The following NTRK3 variants were observed in gnomAD, a reference collection of about 807,000 sequenced individuals.
NTRK3 encodes the protein neurotrophic receptor tyrosine kinase 3.
NTRK3 carries 24 observed loss-of-function variants against 91.7 expected under a neutral mutation model. The ratio of observed to expected loss-of-function variants is 0.26; its 90% CI spans 0.19 to 0.37. The LOEUF (loss-of-function observed/expected upper bound fraction) is 0.37, where lower values mean the gene tolerates loss of function less well. NTRK3 is among the 10% of genes least tolerant of loss of function. The probability of loss-of-function intolerance (pLI) is 1.00; values close to 1 mark genes in which losing one functional copy is unlikely to be tolerated. For synonymous variants in NTRK3, 483 were observed against 404.0 expected (o/e 1.20, Z -2.34); for missense variants, 880 against 1,068.9 (o/e 0.82, Z 2.46).
At chr15:88,219,276 A>C (rs1222203846) in intron 3 of NTRK3, among the ~76,000 whole-genome samples, 1 of 152,256 alleles carries the variant, frequency 6.6e-6, no homozygotes, top group Non-Finnish European at 1.5e-5. Flanking sequence ...AATTAAGTTT[A>C]ATCCTCTCCA....
At chr15:87,868,821 A>G (rs2064753863) in exon 19 of NTRK3, 2 of 222,940 alleles carry the variant, frequency 9.0e-6, no homozygotes, top group African/African-American at 2.2e-5. Flanking sequence ...CTTTTGTCCC[A>G]GTTGGGAGAA....
At chr15:87,952,285 A>T (rs1017503174) in intron 14 of NTRK3, among the ~76,000 whole-genome samples, 27 of 151,660 alleles carry the variant, frequency 1.8e-4, no homozygotes, top group Admixed American at 5.3e-4. Context: ...AGAAAGAAAG[A>T]AAAGAAAGAC....
rs576717963 is a variant in NTRK3, at chr15:88,256,301, A to G, written c.-33T>C. The G allele has an allele frequency of 2.9e-5, 20 of 679,994 alleles. No individual in the cohort carries two copies. The East Asian group carries it at 5.1e-4, about 17-fold the overall frequency. The allele number at this position is 679,994 out of a possible 1,614,324, so 42.1% of individuals were successfully genotyped here. On this transcript the variant is annotated 5_prime_UTR_variant, in exon 2 of 19. Coordinates refer to ENST00000394480, the Ensembl canonical transcript of NTRK3. ...GCCTCTGCCTTTGAAACGCCGAGCG[A>G]TCAGATGCAAAATCCTTCAGCGTCT...
At chr15:88,220,138 T>C (rs142223325) in intron 3 of NTRK3, among the ~76,000 whole-genome samples, 374 of 151,878 alleles carry the variant, frequency 2.5e-3, no homozygotes, top group African/African-American at 8.7e-3. Flanking sequence ...ATAAATGAAA[T>C]AAAGAAATGA....
In NTRK3 at chr15:88,132,654, A is replaced by C. The variant is rs576469820; in HGVS notation, c.1204+2447T>G. ...ATCAAAAGAGAAGAGCAAGAATCAC[A>C]GACCAGCTTTGCATCTAGGCTTAGC... On this transcript the variant is annotated intron_variant, in intron 10 of 18. Coordinates refer to ENST00000394480, the Ensembl canonical transcript of NTRK3. Among the ~76,000 whole-genome samples, 10 of 152,338 alleles carry C rather than the reference A, an allele frequency of 6.6e-5. No homozygotes were observed. In the East Asian group the frequency reaches 1.9e-3, roughly 29 times the overall value.
intron 3 of NTRK3, among the ~76,000 whole-genome samples, chr15:88,250,546 G>A (rs2053244183): frequency 6.6e-6 from 1 of 152,196 alleles, no homozygotes; most frequent in African/African-American, 2.4e-5. Context: ...GCCCCTGCGA[G>A]GGGGCTTTTG....
chr15:88,093,523 C>G (rs1004169745), intron 13 of NTRK3, among the ~76,000 whole-genome samples: 2 of 152,172 alleles, frequency 1.3e-5, no homozygotes, highest in Non-Finnish European at 2.9e-5. Flanking sequence ...CCATTCCAGA[C>G]CACACAGCTC....
At chr15:88,175,346 C>A (rs2045898838) in intron 5 of NTRK3, among the ~76,000 whole-genome samples, 1 of 151,784 alleles carries the variant, frequency 6.6e-6, no homozygotes, top group Admixed American at 6.6e-5. Flanking sequence ...CTGAAAGCAT[C>A]TTCTAAGAAG....
At chr15:87,987,069 T>C (rs2074877060) in intron 14 of NTRK3, among the ~76,000 whole-genome samples, 1 of 152,222 alleles carries the variant, frequency 6.6e-6, no homozygotes, top group African/African-American at 2.4e-5. Context: ...CAGCTGGTAG[T>C]TGGGTAAAAA....
intron 13 of NTRK3, among the ~76,000 whole-genome samples, chr15:88,054,936 A>C (rs1162892342): frequency 6.6e-6 from 1 of 152,182 alleles, no homozygotes; most frequent in Non-Finnish European, 1.5e-5. Flanking sequence ...ACTGAGGCTG[A>C]GAGAGATGTA....
chr15:88,078,218 C>T (rs896164216), intron 13 of NTRK3, among the ~76,000 whole-genome samples: 4 of 152,170 alleles, frequency 2.6e-5, no homozygotes, highest in African/African-American at 9.7e-5. Flanking sequence ...CAATGTACAC[C>T]CTATTGTATG....
chr15:88,092,778 A>C (rs917258439), intron 13 of NTRK3, among the ~76,000 whole-genome samples: 1 of 152,142 alleles, frequency 6.6e-6, no homozygotes, highest in African/African-American at 2.4e-5. Flanking sequence ...GCTTGTGGCT[A>C]CATCACTCCA....
intron 6 of NTRK3, among the ~76,000 whole-genome samples, chr15:88,143,141 T>C (rs1384368369): frequency 6.6e-6 from 1 of 152,226 alleles, no homozygotes; most frequent in Non-Finnish European, 1.5e-5. Context: ...GAGAATCACT[T>C]GGACCTGGGA....
chr15:88,127,563 G>A (rs1473294645), intron 11 of NTRK3, among the ~76,000 whole-genome samples: 1 of 152,182 alleles, frequency 6.6e-6, no homozygotes, highest in Non-Finnish European at 1.5e-5. Context: ...AAAGAAACAT[G>A]GTTTGGGATC....
chr15:88,236,136 C>T (rs1037362483), intron 3 of NTRK3, among the ~76,000 whole-genome samples: 5 of 152,160 alleles, frequency 3.3e-5, no homozygotes, highest in Non-Finnish European at 1.5e-5. Context: ...CACAAAAAGG[C>T]TTGTACAAGA....
intron 5 of NTRK3, among the ~76,000 whole-genome samples, chr15:88,175,930 G>C (rs2045949837): frequency 6.6e-6 from 1 of 152,082 alleles, no homozygotes; most frequent in South Asian, 2.1e-4. Context: ...TGGGTTAGAG[G>C]CAATAGCTTA....
At chr15:87,979,291 A>G in intron 14 of NTRK3, 1 of 1,299,592 alleles carries the variant, frequency 7.7e-7, no homozygotes, top group Non-Finnish European at 1.1e-6. Context: ...CCAACCTCTC[A>G]GAGGGCCCAG....
chr15:87,921,014 C>A (rs988343053), intron 17 of NTRK3, among the ~76,000 whole-genome samples: 1 of 152,044 alleles, frequency 6.6e-6, no homozygotes, highest in Non-Finnish European at 1.5e-5. Flanking sequence ...GCCAAGGTAC[C>A]CTGGTTCCAT....
chr15:87,875,075 C>T (rs1481701411), exon 19 of NTRK3: 1 of 230,656 alleles, frequency 4.3e-6, no homozygotes, highest in Non-Finnish European at 8.6e-6. Flanking sequence ...ACCACAAACA[C>T]ATAATTCAGT....
Sources: allele counts gnomAD v4.1 joint callset (sites outside exome capture counted in the v4.1 genomes callset), GRCh38; gene constraint gnomAD v4.1.1; transcripts MANE v1.5; gene names NCBI Gene and HGNC (gene_info 2026-07-23, HGNC 2026-07-21).